Variants in ATP2B1 observed in about 807,000 individuals in gnomAD.
ATP2B1 encodes ATPase plasma membrane Ca2+ transporting 1.
Under a neutral mutation model 124.2 loss-of-function variants are expected in ATP2B1, and 14 were observed. That is an observed-to-expected ratio of 0.11 (90% CI 0.07 to 0.18). The LOEUF (loss-of-function observed/expected upper bound fraction) is 0.18, where lower values mean the gene tolerates loss of function less well. Ranked by LOEUF, ATP2B1 falls within the 10% of genes least tolerant of loss-of-function variation. The pLI is 1.00. For missense variants in ATP2B1, 763 were observed against 1,466.1 expected, an observed-to-expected ratio of 0.52 and a Z score of 7.83; for synonymous variants, 449 against 492.4, an observed-to-expected ratio of 0.91 and a Z score of 1.17.
chr12:89,695,574 T>G (rs2136784277), intron 1 of ATP2B1, among the ~76,000 whole-genome samples: 1 of 152,278 alleles, frequency 6.6e-6, no homozygotes, highest in South Asian at 2.1e-4. Flanking sequence ...ACTTAACTTT[T>G]TTGGACTAAC....
At position 89,590,122 on chromosome 12, in the gene ATP2B1, A is replaced by C. The variant is rs1015552427; in HGVS notation, c.*862T>G. ...ATGTAGTTGATGTCCTGCATTAAAC[A>C]ATCTACTAAATTCTGAACAAAAGGT... is the stretch of plus-strand genomic sequence containing the variant. On this transcript the variant is annotated 3_prime_UTR_variant, in exon 21 of 21. Coordinates refer to ENST00000428670, the MANE Select transcript of ATP2B1 (RefSeq NM_001366521.1). 2 of 152,616 alleles carry C rather than the reference A, an allele frequency of 1.3e-5. No homozygotes were observed. The highest frequency in any genetic ancestry group is 4.8e-5 in the African/African-American group (2 of 41,466). 9.5% of individuals were successfully genotyped at this position (152,616 alleles called of 1,614,324 possible).
chr12:89,681,188 G>A (rs1203803025), intron 1 of ATP2B1, among the ~76,000 whole-genome samples: 6 of 152,072 alleles, frequency 3.9e-5, no homozygotes, highest in Non-Finnish European at 8.8e-5. Context: ...TGCTGATAAC[G>A]TAGGAAAAAT....
At chr12:89,641,969 G>A in intron 3 of ATP2B1, 189 bp downstream of exon 3, 2 of 602,300 alleles carry the variant, frequency 3.3e-6, no homozygotes, top group Non-Finnish European at 2.9e-6. Context: ...TTGTAAAAGG[G>A]AGGTAACACA....
At chr12:89,630,793 A>ATATATATATG (rs1881745851) in intron 5 of ATP2B1, 148 bp from the exon 6 acceptor site, 1 of 175,410 alleles carries the variant, frequency 5.7e-6, no homozygotes, top group Admixed American at 7.2e-5. Context: ...ATATATATAT[A>ATATATATATG]TTTTTAAGTC....
chr12:89,695,398 G>A (rs1891025604), intron 1 of ATP2B1, among the ~76,000 whole-genome samples: 1 of 151,782 alleles, frequency 6.6e-6, no homozygotes, highest in Non-Finnish European at 1.5e-5. Context: ...GTCTACCCTA[G>A]CAATCATATA....
intron 2 of ATP2B1, among the ~76,000 whole-genome samples, chr12:89,648,481 G>A (rs1410834957): frequency 6.6e-6 from 1 of 152,210 alleles, no homozygotes; most frequent in African/African-American, 2.4e-5. Context: ...ACGGTTCTCA[G>A]CAGCAAAACA....
At chr12:89,598,098 G>A (rs1372425000) in intron 20 of ATP2B1, among the ~76,000 whole-genome samples, 1 of 138,906 alleles carries the variant, frequency 7.2e-6, no homozygotes, top group Non-Finnish European at 1.5e-5. Context: ...AAGAAGGCAA[G>A]CAACTGGCTA....
intron 20 of ATP2B1, among the ~76,000 whole-genome samples, chr12:89,597,103 T>G (rs922572026): frequency 1.9e-4 from 29 of 152,256 alleles, no homozygotes; most frequent in African/African-American, 7.0e-4. Flanking sequence ...TTCTGGAGGT[T>G]CCAGCATAGT....
chr12:89,624,823 TTAAAAAAATAACATTATAA>T (rs1217352265), intron 8 of ATP2B1, among the ~76,000 whole-genome samples: 2 of 152,204 alleles, frequency 1.3e-5, no homozygotes, highest in Admixed American at 1.3e-4. Context: ...AACCCATGTT[TTAAAAAAATAACATTATAA>T]TAAATAAAAT....
chr12:89,634,909 A>G lies in ATP2B1; in HGVS notation c.662-6T>C. On this transcript the variant is annotated splice_region_variant and splice_polypyrimidine_tract_variant and intron_variant, in intron 4 of 20. Transcript: ENST00000428670. ...GTCAGCTGGAAGAAGATCACCTAAA[A>G]TAAAAAGCATGATATACTAAACTTA... 1 of 1,611,252 alleles carries G rather than the reference A, an allele frequency of 6.2e-7. No homozygotes were observed. Among genetic ancestry groups the G allele is most frequent in the South Asian group, 1.1e-5 (1 of 90,432 alleles).
chr12:89,600,444 A>G (rs1203564228), intron 19 of ATP2B1, among the ~76,000 whole-genome samples: 1 of 152,226 alleles, frequency 6.6e-6, no homozygotes, highest in Non-Finnish European at 1.5e-5. Flanking sequence ...TTTGCAAGTA[A>G]GCTGCCTATA....
chr12:89,623,494 C>T (rs549705158), intron 9 of ATP2B1, among the ~76,000 whole-genome samples: 1 of 152,210 alleles, frequency 6.6e-6, no homozygotes, highest in African/African-American at 2.4e-5. Flanking sequence ...TAGCATTCTA[C>T]TTGGAAAACA....
intron 1 of ATP2B1, among the ~76,000 whole-genome samples, chr12:89,665,960 A>G (rs903929850): frequency 1.3e-5 from 2 of 152,228 alleles, no homozygotes; most frequent in African/African-American, 2.4e-5. Context: ...TAAAAACTCT[A>G]GATTTCAATA....
intron 9 of ATP2B1, among the ~76,000 whole-genome samples, 172 bp downstream of exon 9, chr12:89,624,011 T>A (rs1337254852): frequency 1.3e-5 from 2 of 152,122 alleles, no homozygotes; most frequent in African/African-American, 4.8e-5. Flanking sequence ...TTCAGAGATA[T>A]TCAACTGGTG....
At chr12:89,596,044 G>A (rs1350802093) in intron 20 of ATP2B1, among the ~76,000 whole-genome samples, 1 of 151,992 alleles carries the variant, frequency 6.6e-6, no homozygotes. Context: ...TGGGTGCAGA[G>A]GTGTGTGCAT....
intron 20 of ATP2B1, among the ~76,000 whole-genome samples, chr12:89,597,934 A>G (rs2135900517): frequency 6.7e-6 from 1 of 148,912 alleles, no homozygotes. Context: ...ATTTTTAACT[A>G]AATTGTCTAT....
chr12:89,627,787 T>C (rs1881133027), intron 6 of ATP2B1, 71 bp from the exon 7 acceptor site: 1 of 1,473,388 alleles, frequency 6.8e-7, no homozygotes, highest in African/African-American at 1.4e-5. Context: ...TATGCAGAAG[T>C]AGTTCACATT....
At chr12:89,678,190 C>A (rs1246685140) in intron 1 of ATP2B1, among the ~76,000 whole-genome samples, 2 of 151,794 alleles carry the variant, frequency 1.3e-5, no homozygotes, top group Non-Finnish European at 2.9e-5. Flanking sequence ...TAACATACTG[C>A]CTTTCTTTTC....
intron 7 of ATP2B1, among the ~76,000 whole-genome samples, chr12:89,627,089 A>G (rs1286749997): frequency 6.6e-6 from 1 of 152,166 alleles, no homozygotes; most frequent in Non-Finnish European, 1.5e-5. Context: ...ACCAGCGTTC[A>G]AATACTTGAA....
Sources: allele counts gnomAD v4.1 joint callset (sites outside exome capture counted in the v4.1 genomes callset), GRCh38; gene constraint gnomAD v4.1.1; transcripts MANE v1.5; gene names NCBI Gene and HGNC (gene_info 2026-07-23, HGNC 2026-07-21).